Variants in AFF3 observed in about 807,000 individuals in gnomAD.
The protein encoded by AFF3 is AF4/FMR2 family member 3.
A neutral mutation model predicts 129.7 loss-of-function variants in AFF3; 32 were observed. The observed-to-expected ratio is 0.25, with a 90% CI of 0.19 to 0.33. AFF3 has a LOEUF of 0.33. Among genes scored for constraint, AFF3 ranks in the 10% least tolerant of loss-of-function variants. AFF3 has a pLI of 1.00. For synonymous variants in AFF3, 644 were observed against 635.4 expected (o/e 1.01, Z -0.20); for missense variants, 1,373 against 1,592.0 (o/e 0.86, Z 2.34).
chr2:99,812,425 A>G (rs747093990), intron 8 of AFF3, among the ~76,000 whole-genome samples: 2 of 152,234 alleles, frequency 1.3e-5, no homozygotes, highest in African/African-American at 2.4e-5. Context: ...CGGAGGACAC[A>G]CGTGCTGAGC....
At chr2:99,821,031 C>T (rs544480915) in intron 8 of AFF3, among the ~76,000 whole-genome samples, 1 of 152,030 alleles carries the variant, frequency 6.6e-6, no homozygotes, top group Non-Finnish European at 1.5e-5. Context: ...CGCCACCATG[C>T]CTGTCTGATT....
chr2:99,707,162 G>C, intron 11 of AFF3: 2 of 985,412 alleles, frequency 2.0e-6, no homozygotes, highest in Non-Finnish European at 2.4e-6. Flanking sequence ...AAACTTGCCT[G>C]TAACAACATC....
chr2:100,124,530 A>G (rs1559136739), intron 2 of AFF3, among the ~76,000 whole-genome samples: 1 of 152,218 alleles, frequency 6.6e-6, no homozygotes, highest in Non-Finnish European at 1.5e-5. Context: ...CAGAAAAACA[A>G]GACTGAGATA....
chr2:100,013,135 T>A, intron 4 of AFF3, among the ~76,000 whole-genome samples: 1 of 152,248 alleles, frequency 6.6e-6, no homozygotes, highest in East Asian at 1.9e-4. Context: ...ACATTTTTGA[T>A]CATTTCTCAC....
intron 4 of AFF3, among the ~76,000 whole-genome samples, chr2:100,056,880 G>C (rs1167553128): frequency 6.6e-6 from 1 of 152,180 alleles, no homozygotes; most frequent in Non-Finnish European, 1.5e-5. Context: ...AATACGAATA[G>C]AGGCCTCTTT....
intron 4 of AFF3, among the ~76,000 whole-genome samples, chr2:100,067,570 AAG>A: frequency 6.6e-6 from 1 of 152,368 alleles, no homozygotes; most frequent in South Asian, 2.1e-4. Context: ...ATGCTTGAAG[AAG>A]AGTCTAAATT....
Position 99,926,943 on chromosome 2 carries a change from A to G in AFF3, c.873+79689T>C, listed in dbSNP as rs538790187. 2.6e-5 allele frequency among the ~76,000 whole-genome samples: 4 copies of G among 152,322 alleles called. No individual in the cohort carries two copies. In the East Asian group the frequency reaches 7.7e-4, roughly 29 times the overall value. On this transcript the variant is annotated intron_variant, in intron 7 of 24. Coordinates refer to ENST00000672756, the MANE Select transcript of AFF3 (RefSeq NM_001386135.1). ...CAAAAAATCTGAAGTGCGGCATCAC[A>G]GCCAAGTGATGCCAATCCTGGTCTA...
chr2:100,046,981 C>T (rs1458041931), intron 4 of AFF3, among the ~76,000 whole-genome samples: 4 of 151,898 alleles, frequency 2.6e-5, no homozygotes, highest in Non-Finnish European at 5.9e-5. Context: ...AAAAAAAAAT[C>T]TTGAAATAAT....
intron 8 of AFF3, among the ~76,000 whole-genome samples, chr2:99,786,500 T>A (rs1684801728): frequency 1.3e-5 from 2 of 152,172 alleles, no homozygotes. Flanking sequence ...AAAATCAAGA[T>A]TTTCCACCTT....
intron 7 of AFF3, among the ~76,000 whole-genome samples, chr2:99,869,992 C>G (rs1045041214): frequency 2.6e-5 from 4 of 152,206 alleles, no homozygotes; most frequent in African/African-American, 4.8e-5. Context: ...GGCTGTGCAC[C>G]TGTGTTTCCT....
intron 4 of AFF3, among the ~76,000 whole-genome samples, chr2:100,035,681 G>T (rs1337712691): frequency 6.6e-6 from 1 of 152,124 alleles, no homozygotes; most frequent in Non-Finnish European, 1.5e-5. Flanking sequence ...TCAGTACCTA[G>T]CAGTGTTTGC....
chr2:100,136,918 T>A (rs993221832), intron 1 of AFF3, among the ~76,000 whole-genome samples: 1 of 152,302 alleles, frequency 6.6e-6, no homozygotes, highest in Non-Finnish European at 1.5e-5. Flanking sequence ...TTTATATAGG[T>A]CTTGTGGTGT....
intron 4 of AFF3, among the ~76,000 whole-genome samples, chr2:100,055,327 A>T (rs2105177810): frequency 6.6e-6 from 1 of 152,184 alleles, no homozygotes; most frequent in East Asian, 1.9e-4. Context: ...CAGAGATTGG[A>T]TTGCACAGTA....
Position 99,867,959 on chromosome 2 carries a change from TC to T in AFF3, c.874-30436del, listed in dbSNP as rs1691559211. On this transcript the variant is annotated intron_variant, in intron 7 of 24. Transcript: ENST00000672756. ...GGCACGTGGAGGGAGAGATTAGCGT[TC>T]CCCCACAGCTGTCAAGCTGGGCCCC... 4.6e-5 allele frequency among the ~76,000 whole-genome samples: 7 copies of T among 151,108 alleles called. No individual in the cohort carries two copies. The South Asian group carries it at 1.5e-3, about 32-fold the overall frequency.
At chr2:100,039,637 C>T (rs746796993) in intron 4 of AFF3, among the ~76,000 whole-genome samples, 23 of 152,072 alleles carry the variant, frequency 1.5e-4, no homozygotes, top group African/African-American at 4.6e-4. Flanking sequence ...TAATCTTCTG[C>T]GTGGGTCCAT....
At chr2:99,625,501 A>C (rs1336195123) in intron 13 of AFF3, among the ~76,000 whole-genome samples, 1 of 152,178 alleles carries the variant, frequency 6.6e-6, no homozygotes, top group Non-Finnish European at 1.5e-5. Context: ...TTGTGTATGG[A>C]TTACTTAAGG....
chr2:99,629,858 C>T (rs1203117348), intron 13 of AFF3, among the ~76,000 whole-genome samples: 1 of 152,096 alleles, frequency 6.6e-6, no homozygotes, highest in Non-Finnish European at 1.5e-5. Flanking sequence ...GGGATCCTAC[C>T]CTTATGACCT....
intron 7 of AFF3, among the ~76,000 whole-genome samples, chr2:99,906,981 C>T (rs1558964710): frequency 6.6e-6 from 1 of 152,128 alleles, no homozygotes. Context: ...CTCTCAGGTG[C>T]TAATACTATG....
At chr2:99,995,235 A>G (rs1056957415) in intron 7 of AFF3, among the ~76,000 whole-genome samples, 1 of 152,210 alleles carries the variant, frequency 6.6e-6, no homozygotes, top group Non-Finnish European at 1.5e-5. Flanking sequence ...TTCCATAAAA[A>G]GAAAGCATTT....
Sources: allele counts gnomAD v4.1 joint callset (sites outside exome capture counted in the v4.1 genomes callset), GRCh38; gene constraint gnomAD v4.1.1; transcripts MANE v1.5; gene names NCBI Gene and HGNC (gene_info 2026-07-23, HGNC 2026-07-21).